The following ADCY2 variants were observed in gnomAD, a reference collection of about 807,000 sequenced individuals.
ADCY2 encodes the protein adenylate cyclase 2, also known as adenylate cyclase type 2.
Under a neutral mutation model 125.2 loss-of-function variants are expected in ADCY2, and 31 were observed. The observed-to-expected ratio is 0.25, with a 90% CI of 0.19 to 0.33. The LOEUF (loss-of-function observed/expected upper bound fraction) is 0.33. ADCY2 is among the 10% of genes least tolerant of loss of function. The pLI is 1.00. For missense variants in ADCY2, 904 were observed against 1,418.2 expected, an observed-to-expected ratio of 0.64 and a Z score of 5.82; for synonymous variants, 512 against 548.4, an observed-to-expected ratio of 0.93 and a Z score of 0.93.
At chr5:7,649,508 G>C (rs1205924802) in intron 4 of ADCY2, among the ~76,000 whole-genome samples, 1 of 152,188 alleles carries the variant, frequency 6.6e-6, no homozygotes, top group African/African-American at 2.4e-5. Flanking sequence ...GTATTTATGT[G>C]GGAGAATAAA....
At chr5:7,671,685 C>T (rs1051778610) in intron 4 of ADCY2, among the ~76,000 whole-genome samples, 2 of 152,044 alleles carry the variant, frequency 1.3e-5, no homozygotes, top group Admixed American at 1.3e-4. Flanking sequence ...TGGTTGCCAC[C>T]GTAAATCAAG....
At chr5:7,821,962 T>C (rs1745315606) in intron 24 of ADCY2, among the ~76,000 whole-genome samples, 2 of 152,018 alleles carry the variant, frequency 1.3e-5, no homozygotes, top group Non-Finnish European at 2.9e-5. Context: ...ATTGGAACAG[T>C]GTGTGGTTGG....
intron 2 of ADCY2, among the ~76,000 whole-genome samples, chr5:7,486,755 G>T (rs1055370457): frequency 3.3e-5 from 5 of 152,178 alleles, no homozygotes; most frequent in Non-Finnish European, 7.4e-5. Flanking sequence ...AGCACATACT[G>T]CCATTGGAGC....
At chr5:7,442,743 A>G (rs1490642509) in intron 2 of ADCY2, among the ~76,000 whole-genome samples, 1 of 152,220 alleles carries the variant, frequency 6.6e-6, no homozygotes. Context: ...TTTATCTGAA[A>G]TGAAACTTGA....
intron 7 of ADCY2, among the ~76,000 whole-genome samples, chr5:7,702,300 A>G (rs930327095): frequency 6.7e-5 from 10 of 149,388 alleles, no homozygotes; most frequent in Non-Finnish European, 1.5e-4. Context: ...ATATATGTAT[A>G]CATGTGCCAT....
intron 2 of ADCY2, among the ~76,000 whole-genome samples, chr5:7,443,237 T>A (rs1256055972): frequency 6.6e-6 from 1 of 152,208 alleles, no homozygotes; most frequent in African/African-American, 2.4e-5. Context: ...GAGTTTATGC[T>A]AACATTTCTT....
intron 2 of ADCY2, among the ~76,000 whole-genome samples, chr5:7,501,134 A>G (rs1026789739): frequency 2.0e-5 from 3 of 147,062 alleles, no homozygotes; most frequent in Non-Finnish European, 4.5e-5. Flanking sequence ...TTTTTTTTAA[A>G]AAAAAAAAAA....
chr5:7,821,024 C>A (rs904848605), intron 24 of ADCY2, among the ~76,000 whole-genome samples: 1 of 152,162 alleles, frequency 6.6e-6, no homozygotes, highest in East Asian at 1.9e-4. Flanking sequence ...AAGGACTTTG[C>A]AAACGAGAGG....
intron 4 of ADCY2, among the ~76,000 whole-genome samples, chr5:7,678,824 G>A (rs76426279): frequency 0.26 from 40,047 of 152,126 alleles, 6,711 homozygotes; most frequent in Non-Finnish European, 0.38. Flanking sequence ...CAGAGCTGAG[G>A]CCAGAATGTT....
At chr5:7,648,418 G>C (rs972464727) in intron 4 of ADCY2, among the ~76,000 whole-genome samples, 1 of 152,282 alleles carries the variant, frequency 6.6e-6, no homozygotes, top group East Asian at 1.9e-4. Flanking sequence ...ACTATGACAT[G>C]ATGGGAAAAT....
At chr5:7,436,871 G>A (rs1384847254) in intron 2 of ADCY2, among the ~76,000 whole-genome samples, 1 of 152,186 alleles carries the variant, frequency 6.6e-6, no homozygotes, top group East Asian at 1.9e-4. Flanking sequence ...CGTGTGCTAG[G>A]GAATCTTTTG....
At position 7,763,375 on chromosome 5, in the gene ADCY2, G is replaced by C. The variant is rs1003686063; in HGVS notation, c.2095-3312G>C. On this transcript the variant is annotated intron_variant, in intron 16 of 24. Coordinates refer to ENST00000338316, the MANE Select transcript of ADCY2 (RefSeq NM_020546.3). ...CAAAGTGCTGGGATGACAGGCGTGA[G>C]CCACCGCGCCCGGCCTCTAATGTAT... is the stretch of plus-strand genomic sequence containing the variant. Among the ~76,000 whole-genome samples the C allele has an allele frequency of 2.2e-4, 34 of 152,204 alleles. 1 individual carries two copies. Among genetic ancestry groups the C allele is most frequent in the African/African-American group, 8.0e-4 (33 of 41,462 alleles).
At position 7,766,755 on chromosome 5, in the gene ADCY2, C is replaced by A. The variant is rs1200118783; in HGVS notation, c.2163C>A (p.Ala721=). Residue 721 remains alanine (A), a synonymous_variant, in exon 17 of 25, where the codon GCC becomes GCA. Transcript: ENST00000338316. Reference sequence around the variant, plus strand: ...ACACAACAAACACAAGCTTTTCAGCCTCAAATAATCAGGTGGCGATTCTGC... The same window carrying A: ...ACACAACAAACACAAGCTTTTCAGCATCAAATAATCAGGTGGCGATTCTGC... ...TANTTNTSFS[A]SNNQVAILRA... is the part of the protein sequence containing the mutation. 6.2e-7 allele frequency: 1 copy of A among 1,612,788 alleles called. No homozygotes were observed. The highest frequency in any genetic ancestry group is 8.5e-7 in the Non-Finnish European group (1 of 1,179,696).
intron 19 of ADCY2, among the ~76,000 whole-genome samples, chr5:7,787,147 G>A (rs1579435120): frequency 1.3e-5 from 2 of 152,306 alleles, no homozygotes; most frequent in Non-Finnish European, 2.9e-5. Flanking sequence ...GACAATCCGA[G>A]GGATGGGAGG....
At chr5:7,525,714 C>G (rs539073464) in intron 3 of ADCY2, among the ~76,000 whole-genome samples, 3 of 152,134 alleles carry the variant, frequency 2.0e-5, no homozygotes, top group East Asian at 3.9e-4. Flanking sequence ...TTCTCAAGGA[C>G]ATTTCCACTT....
Position 7,513,106 on chromosome 5 carries a change from C to CACACAG in ADCY2, c.409-7631_409-7630insCACAGA, listed in dbSNP as rs777343291. ...ACACACACACACACACACACACACA[C>CACACAG]AGAGAGAGAGAGAGAGAGAGAGAGC... On this transcript the variant is annotated intron_variant, in intron 2 of 24. Transcript: ENST00000338316. Among the ~76,000 whole-genome samples, 609 of 138,426 alleles carry CACACAG rather than the reference C, an allele frequency of 4.4e-3. 5 individuals carry two copies. The highest frequency in any genetic ancestry group is 8.2e-3 in the East Asian group (39 of 4,764). The allele number at this position is 138,426 out of a possible 152,430, so 90.8% of individuals were successfully genotyped here. A position where few individuals can be genotyped will look rare whatever the true frequency, so the allele number is the denominator to read the frequency against.
chr5:7,580,397 A>G (rs1736391651), intron 3 of ADCY2, among the ~76,000 whole-genome samples: 1 of 152,162 alleles, frequency 6.6e-6, no homozygotes, highest in South Asian at 2.1e-4. Context: ...TAGAAACTAT[A>G]AGAAGGAACC....
intron 5 of ADCY2, among the ~76,000 whole-genome samples, chr5:7,695,296 G>A (rs887961483): frequency 3.3e-5 from 5 of 152,032 alleles, no homozygotes; most frequent in Non-Finnish European, 5.9e-5. Flanking sequence ...ACACTGTCTC[G>A]TTTTCCTCTG....
chr5:7,420,423 G>A (rs1740154304), intron 2 of ADCY2, among the ~76,000 whole-genome samples: 1 of 152,140 alleles, frequency 6.6e-6, no homozygotes, highest in Non-Finnish European at 1.5e-5. Context: ...GGGACCCTGG[G>A]TGTGGGTCAA....
Sources: allele counts gnomAD v4.1 joint callset (sites outside exome capture counted in the v4.1 genomes callset), GRCh38; gene constraint gnomAD v4.1.1; transcripts MANE v1.5; gene names NCBI Gene and HGNC (gene_info 2026-07-23, HGNC 2026-07-21).